ARL3: variants seen among roughly 807,000 people sequenced by gnomAD.
ARL3 encodes the protein ADP-ribosylation factor-like protein 3.
In ARL3, 9 loss-of-function variants were observed where a neutral mutation model predicts 26.0. The ratio of observed to expected loss-of-function variants is 0.35; its 90% CI spans 0.21 to 0.60. The LOEUF (loss-of-function observed/expected upper bound fraction) is 0.60. ARL3 is among the 20% of genes least tolerant of loss of function. The pLI is 0.78. For synonymous variants in ARL3, 71 were observed against 78.4 expected, an observed-to-expected ratio of 0.91 and a Z score of 0.50; for missense variants, 158 against 215.7, an observed-to-expected ratio of 0.73 and a Z score of 1.67.
rs565062730 is a variant in ARL3 at position 102,713,007 on chromosome 10, T to C, written c.3+1266A>G. On this transcript the variant is annotated intron_variant, in intron 1 of 5. Transcript: ENST00000260746. Reference sequence around the variant, plus strand: ...TGTAAAATCAATTGAGTTTTTTTTTTCCTTTCTAAATCTACTCACTGGATA... The same window carrying C: ...TGTAAAATCAATTGAGTTTTTTTTTCCCTTTCTAAATCTACTCACTGGATA... Among the ~76,000 whole-genome samples, 14 of 152,014 alleles carry C rather than the reference T, an allele frequency of 9.2e-5. No individual in the cohort carries two copies. The South Asian group carries it at 2.9e-3, about 31-fold the overall frequency.
intron 5 of ARL3, among the ~76,000 whole-genome samples, chr10:102,680,510 T>C (rs2135995489): frequency 6.6e-6 from 1 of 152,294 alleles, no homozygotes; most frequent in South Asian, 2.1e-4. Context: ...TATTCTCCCC[T>C]ATAACCACTG....
intron 4 of ARL3, among the ~76,000 whole-genome samples, chr10:102,687,494 T>A (rs2064194011): frequency 6.6e-6 from 1 of 151,700 alleles, no homozygotes; most frequent in South Asian, 2.1e-4. Context: ...TCGAGACCAG[T>A]CTGACCAATA....
At chr10:102,686,572 C>T (rs756151932) in intron 4 of ARL3, among the ~76,000 whole-genome samples, 1 of 149,864 alleles carries the variant, frequency 6.7e-6, no homozygotes, top group African/African-American at 2.5e-5. Context: ...TCAAGCAATT[C>T]TCACCCCTCA....
intron 5 of ARL3, among the ~76,000 whole-genome samples, chr10:102,682,480 G>A (rs1045453715): frequency 1.3e-5 from 2 of 152,258 alleles, no homozygotes; most frequent in South Asian, 2.1e-4. Context: ...TAATGGCTTC[G>A]TATGTGCTGC....
chr10:102,705,548 G>C, intron 1 of ARL3, 59 bp from the exon 2 acceptor site: 4 of 1,414,842 alleles, frequency 2.8e-6, no homozygotes, highest in Non-Finnish European at 3.8e-6. Flanking sequence ...ATATTAACTG[G>C]ATATGAGAAT....
At position 102,676,356 on chromosome 10, in the gene ARL3, C is replaced by T. The variant is rs1292628207; in HGVS notation, c.*538G>A. ...TGGTTTAATTATCTGCCTTTTCTCC[C>T]CCCACCCCCACCCAGCAGCTTCCTG... is the stretch of plus-strand genomic sequence containing the variant. On this transcript the variant is annotated 3_prime_UTR_variant, in exon 6 of 6. Transcript: ENST00000260746. The T allele has an allele frequency of 6.6e-6, 1 of 152,470 alleles. No individual in the cohort carries two copies. Among genetic ancestry groups the T allele is most frequent in the East Asian group, 1.9e-4 (1 of 5,222 alleles). The allele number at this position is 152,470 out of a possible 1,614,324, so 9.4% of individuals were successfully genotyped here.
chr10:102,675,391 C>T lies in ARL3; in HGVS notation c.*1503G>A, dbSNP rs1183384387. ...TGAGGGCCAGGGGCTGCAGCGGCCC[C>T]TTCAGTCTGCTCACACGCCCTGATG... is the stretch of plus-strand genomic sequence containing the variant. On this transcript the variant is annotated 3_prime_UTR_variant, in exon 6 of 6. Transcript: ENST00000260746. 2.0e-5 allele frequency: 3 copies of T among 152,276 alleles called. No individual in the cohort carries two copies. The highest frequency in any genetic ancestry group is 7.2e-5 in the African/African-American group (3 of 41,460). 9.4% of individuals were successfully genotyped at this position (152,276 alleles called of 1,614,324 possible).
At chr10:102,694,446 T>A (rs781545184) in intron 3 of ARL3, among the ~76,000 whole-genome samples, 91 of 152,224 alleles carry the variant, frequency 6.0e-4, no homozygotes, top group Non-Finnish European at 1.1e-3. Flanking sequence ...TACATTTAGG[T>A]TTAAGATCCA....
At chr10:102,713,421 T>C (rs2064358890) in intron 1 of ARL3, among the ~76,000 whole-genome samples, 1 of 152,228 alleles carries the variant, frequency 6.6e-6, no homozygotes, top group Admixed American at 6.5e-5. Flanking sequence ...ATCTCCATTT[T>C]TAACTTCTCG....
chr10:102,695,815 C>A (rs983648950), intron 3 of ARL3, among the ~76,000 whole-genome samples: 2 of 151,934 alleles, frequency 1.3e-5, no homozygotes, highest in Non-Finnish European at 2.9e-5. Flanking sequence ...TCGCACCAGG[C>A]CTGATTTAAA....
Position 102,685,911 on chromosome 10 carries a change from CA to C in ARL3, c.405del (p.Ala136ProfsTer8). ...ANKQDLLTAA[P>X]ASEIAEGLNL... The stretch of plus-strand genomic sequence containing the variant: ...TTCAGTCCTTCTGCAATTTCAGAGG[CA>C]GGGGCTGCTGTGAGCAAATCCTGCT... On this transcript the variant is annotated frameshift_variant, in exon 5 of 6. Transcript: ENST00000260746. LOFTEE classifies it high-confidence loss of function. The C allele has an allele frequency of 1.2e-6, 2 of 1,614,152 alleles. No individual in the cohort carries two copies. Among genetic ancestry groups the C allele is most frequent in the South Asian group, 2.2e-5 (2 of 91,080 alleles).
At chr10:102,692,613 G>A (rs985065043) in intron 3 of ARL3, among the ~76,000 whole-genome samples, 5 of 152,054 alleles carry the variant, frequency 3.3e-5, no homozygotes, top group South Asian at 2.1e-4. Context: ...ATGGGGTTTC[G>A]CCATGCTGGC....
At position 102,699,315 on chromosome 10, in the gene ARL3, A is replaced by G. The variant is rs548832312; in HGVS notation, c.264+58T>C. 8 of 901,496 alleles carry G rather than the reference A, an allele frequency of 8.9e-6. No individual in the cohort carries two copies. In the East Asian group the frequency reaches 2.2e-4, roughly 24 times the overall value. The allele number at this position is 901,496 out of a possible 1,614,324, so 55.8% of individuals were successfully genotyped here. A position where few individuals can be genotyped will look rare whatever the true frequency, so the allele number is the denominator to read the frequency against. The stretch of plus-strand genomic sequence containing the variant: ...GACAAGAAAGAATGTTACAGTGTCC[A>G]TGTTTCTAACACATGGCAGAAAATA... On this transcript the variant is annotated intron_variant, in intron 3 of 5. Transcript: ENST00000260746.
intron 3 of ARL3, among the ~76,000 whole-genome samples, chr10:102,694,009 A>G (rs2064234010): frequency 6.6e-6 from 1 of 151,512 alleles, no homozygotes; most frequent in African/African-American, 2.4e-5. Context: ...TTTTTTTGAG[A>G]TGGATTCTTG....
In ARL3 at chr10:102,676,848, A is replaced by G. The variant is rs748788457; in HGVS notation, c.*46T>C. ...AAGCAGCAAATTAGTGTTTTTCAGGACCGAATTCGGCTCCCGCAGCTCCTG... is the reference window on the plus strand; with the variant it reads ...AAGCAGCAAATTAGTGTTTTTCAGGGCCGAATTCGGCTCCCGCAGCTCCTG... On this transcript the variant is annotated 3_prime_UTR_variant, in exon 6 of 6. Transcript: ENST00000260746. The G allele has an allele frequency of 1.3e-6, 2 of 1,597,686 alleles. No homozygotes were observed. Among genetic ancestry groups the G allele is most frequent in the Non-Finnish European group, 1.7e-6 (2 of 1,166,306 alleles).
chr10:102,714,138 A>G lies in ARL3; in HGVS notation c.3+135T>C, dbSNP rs569499750. 2.1e-4 allele frequency: 233 copies of G among 1,122,612 alleles called. 1 individual carries two copies. In the African/African-American group the frequency reaches 3.2e-3, roughly 15 times the overall value. 69.5% of individuals were successfully genotyped at this position (1,122,612 alleles called of 1,614,324 possible). On this transcript the variant is annotated intron_variant, in intron 1 of 5. Transcript: ENST00000260746. Reference sequence around the variant, plus strand: ...GGTCTCCCCGCCGACCCCCGAAATCAGTCCACAACCCAGATAGCAGGCTGA... The same window carrying G: ...GGTCTCCCCGCCGACCCCCGAAATCGGTCCACAACCCAGATAGCAGGCTGA...
intron 5 of ARL3, among the ~76,000 whole-genome samples, chr10:102,679,501 G>A (rs979073232): frequency 1.3e-5 from 2 of 152,246 alleles, no homozygotes; most frequent in African/African-American, 2.4e-5. Flanking sequence ...GGCAAGCTGT[G>A]GTGCCCAGCG....
chr10:102,684,506 G>T (rs975169474), intron 5 of ARL3, among the ~76,000 whole-genome samples: 6 of 151,966 alleles, frequency 3.9e-5, no homozygotes, highest in African/African-American at 7.3e-5. Flanking sequence ...TGCTGAAGTG[G>T]TTTTCAGAAA....
At chr10:102,706,237 G>A (rs2064310753) in intron 1 of ARL3, among the ~76,000 whole-genome samples, 1 of 152,104 alleles carries the variant, frequency 6.6e-6, no homozygotes, top group African/African-American at 2.4e-5. Flanking sequence ...GGATCACGAG[G>A]TCAGGAGATC....
Sources: allele counts gnomAD v4.1 joint callset (sites outside exome capture counted in the v4.1 genomes callset), GRCh38; gene constraint gnomAD v4.1.1; transcripts MANE v1.5; gene names NCBI Gene and HGNC (gene_info 2026-07-23, HGNC 2026-07-21).